The following SLC6A5 variants were observed in gnomAD, a reference collection of about 807,000 sequenced individuals.
The protein encoded by SLC6A5 is sodium- and chloride-dependent glycine transporter 2.
In SLC6A5, 58 loss-of-function variants were observed where a neutral mutation model predicts 90.5. The ratio of observed to expected loss-of-function variants is 0.64; its 90% CI spans 0.52 to 0.80. SLC6A5 has a LOEUF of 0.80. SLC6A5 is among the 30% of genes least tolerant of loss of function. SLC6A5 has a pLI of 0.00. For missense variants in SLC6A5, 1,015 were observed against 1,017.6 expected, an observed-to-expected ratio of 1.00 and a Z score of 0.03; for synonymous variants, 427 against 401.4, an observed-to-expected ratio of 1.06 and a Z score of -0.76.
chr11:20,622,088 C>T (rs1172670438), intron 7 of SLC6A5, among the ~76,000 whole-genome samples: 1 of 152,216 alleles, frequency 6.6e-6, no homozygotes, highest in Non-Finnish European at 1.5e-5. Flanking sequence ...GAGTCAGTGT[C>T]ACTCCTGCCA....
chr11:20,645,200 G>A (rs11605055), intron 13 of SLC6A5, among the ~76,000 whole-genome samples: 43,230 of 151,948 alleles, frequency 0.28, 6,662 homozygotes, highest in Non-Finnish European at 0.36. Context: ...CCCAGCAAGA[G>A]ATTATCTTCT....
intron 6 of SLC6A5, 29 bp from the exon 7 acceptor site, chr11:20,617,723 C>T: frequency 6.2e-7 from 1 of 1,606,330 alleles, no homozygotes; most frequent in Non-Finnish European, 8.5e-7. Flanking sequence ...CTTTCTATCA[C>T]TCCCCCCATC....
At chr11:20,637,956 G>A (rs1007412302) in intron 12 of SLC6A5, among the ~76,000 whole-genome samples, 2 of 151,962 alleles carry the variant, frequency 1.3e-5, no homozygotes, top group African/African-American at 2.4e-5. Context: ...TTCTTCTTCT[G>A]TAAAATAATG....
chr11:20,634,080 C>T (rs977014876), intron 10 of SLC6A5, among the ~76,000 whole-genome samples: 1 of 152,188 alleles, frequency 6.6e-6, no homozygotes, highest in Admixed American at 6.5e-5. Flanking sequence ...CCATATTGGC[C>T]AGGCTGGTCT....
rs753356751 is a variant in SLC6A5, at chr11:20,601,589, G to C, written c.464G>C (p.Ser155Thr). 6.2e-7 allele frequency: 1 copy of C among 1,614,142 alleles called. No homozygotes were observed. Residue 155 changes from serine to threonine, a missense_variant, in exon 2 of 16, where the codon AGC becomes ACC. This residue lies in a region of SLC6A5 where 567 missense variants were observed against 507.3 expected (regional missense o/e 1.12). Coordinates refer to ENST00000525748, the MANE Select transcript of SLC6A5 (RefSeq NM_004211.5). Reference sequence around the variant, plus strand: ...CCTGTTGTGGGCTGGGTGAACATGAGCCAGAGCACCGTGGTGCTGGCCACG... The same window carrying C: ...CCTGTTGTGGGCTGGGTGAACATGACCCAGAGCACCGTGGTGCTGGCCACG... ...NTPVVGWVNMSQSTVVLATDG... is the reference protein window; with the variant it reads ...NTPVVGWVNMTQSTVVLATDG...
chr11:20,654,398 A>AT (rs755236123), intron 15 of SLC6A5, among the ~76,000 whole-genome samples: 5 of 152,208 alleles, frequency 3.3e-5, no homozygotes, highest in Non-Finnish European at 7.3e-5. Context: ...GGAGGGAAAA[A>AT]ATATATAATT....
At chr11:20,606,776 T>C (rs1852589942) in intron 3 of SLC6A5, among the ~76,000 whole-genome samples, 1 of 152,024 alleles carries the variant, frequency 6.6e-6, no homozygotes, top group Non-Finnish European at 1.5e-5. Flanking sequence ...CAGTGGAGAG[T>C]TGAAATAAGG....
At chr11:20,645,472 T>A (rs937143130) in intron 13 of SLC6A5, among the ~76,000 whole-genome samples, 3 of 151,906 alleles carry the variant, frequency 2.0e-5, no homozygotes, top group African/African-American at 7.3e-5. Flanking sequence ...CTGAGGAGGC[T>A]GGGAAATCCT....
intron 13 of SLC6A5, among the ~76,000 whole-genome samples, chr11:20,644,016 A>G (rs1170516544): frequency 2.6e-5 from 4 of 152,162 alleles, no homozygotes; most frequent in African/African-American, 7.2e-5. Flanking sequence ...TTGAAGTACA[A>G]TGTACATACA....
At chr11:20,647,195 C>T (rs1853432599) in intron 14 of SLC6A5, among the ~76,000 whole-genome samples, 1 of 126,802 alleles carries the variant, frequency 7.9e-6, no homozygotes, top group Non-Finnish European at 1.7e-5. Context: ...TGGCACATTT[C>T]CCATTATATC....
intron 6 of SLC6A5, 109 bp from the exon 7 acceptor site, chr11:20,617,643 G>A: frequency 1.1e-6 from 1 of 927,938 alleles, no homozygotes; most frequent in East Asian, 2.4e-5. Context: ...GAGGATGCTG[G>A]GGTTTTGTGC....
At chr11:20,612,219 A>ACT (rs1228298776) in intron 5 of SLC6A5, among the ~76,000 whole-genome samples, 13 of 152,334 alleles carry the variant, frequency 8.5e-5, no homozygotes, top group Admixed American at 3.3e-4. Context: ...GATGCTGAAG[A>ACT]CTAGAGATAC....
chr11:20,644,817 C>CTT (rs1231229269), intron 13 of SLC6A5, among the ~76,000 whole-genome samples: 12 of 146,466 alleles, frequency 8.2e-5, no homozygotes, highest in African/African-American at 3.0e-4. Flanking sequence ...TTTTCTTTTT[C>CTT]TTTTTTTTTT....
chr11:20,600,345 GAAGA>G, intron 1 of SLC6A5, among the ~76,000 whole-genome samples: 1 of 71,346 alleles, frequency 1.4e-5, no homozygotes, highest in Non-Finnish European at 3.1e-5. Context: ...GGAAGAAGAA[GAAGA>G]AGAAGAAGAA....
In SLC6A5 at chr11:20,628,604, T is replaced by C. The variant is rs138193703; in HGVS notation, c.1499+521T>C. 2.4e-3 allele frequency among the ~76,000 whole-genome samples: 364 copies of C among 152,278 alleles called. 2 individuals are homozygous for C. Among genetic ancestry groups the C allele is most frequent in the Middle Eastern group, 6.8e-3 (2 of 292 alleles). The stretch of plus-strand genomic sequence containing the variant: ...TGCTAGTGATTAGGATGACAAAATA[T>C]GAATTTGGTAGTGATAGGGGAGTGG... On this transcript the variant is annotated intron_variant, in intron 9 of 15. Coordinates refer to ENST00000525748, the MANE Select transcript of SLC6A5 (RefSeq NM_004211.5).
chr11:20,639,416 C>T (rs1035592602), intron 13 of SLC6A5, among the ~76,000 whole-genome samples: 1 of 152,008 alleles, frequency 6.6e-6, no homozygotes, highest in Admixed American at 6.6e-5. Context: ...ACTTCAGATC[C>T]CAAAAGAGAC....
chr11:20,621,946 C>T (rs1191416293), intron 7 of SLC6A5, among the ~76,000 whole-genome samples: 1 of 152,194 alleles, frequency 6.6e-6, no homozygotes, highest in Non-Finnish European at 1.5e-5. Flanking sequence ...GGCGCCTCTG[C>T]CTGAGAGTTG....
At chr11:20,632,251 A>G (rs770239776) in intron 10 of SLC6A5, among the ~76,000 whole-genome samples, 4 of 152,074 alleles carry the variant, frequency 2.6e-5, no homozygotes, top group Non-Finnish European at 4.4e-5. Context: ...GATCTTAGGC[A>G]TTTTGCTTTT....
intron 8 of SLC6A5, 34 bp downstream of exon 8, chr11:20,626,876 G>A (rs370234180): frequency 1.0e-4 from 161 of 1,600,738 alleles, no homozygotes; most frequent in Non-Finnish European, 1.3e-4. Context: ...ACCAGCCCTG[G>A]GGGAGTGGCC....
Sources: allele counts gnomAD v4.1 joint callset (sites outside exome capture counted in the v4.1 genomes callset), GRCh38; gene constraint gnomAD v4.1.1; regional missense constraint gnomAD v4.1.1; transcripts MANE v1.5; gene names NCBI Gene and HGNC (gene_info 2026-07-23, HGNC 2026-07-21).